Variants in TCEA3 observed in about 807,000 individuals in gnomAD.
TCEA3 encodes transcription elongation factor A protein 3.
A neutral mutation model predicts 44.0 loss-of-function variants in TCEA3; 36 were observed. The ratio of observed to expected loss-of-function variants is 0.82; its 90% CI spans 0.63 to 1.08. The LOEUF (loss-of-function observed/expected upper bound fraction) is 1.08. TCEA3 is among the 50% of genes least tolerant of loss of function. The pLI, the probability that TCEA3 is intolerant of heterozygous loss-of-function variation, is 0.00. For synonymous variants in TCEA3, 162 were observed against 159.7 expected (o/e 1.01, Z -0.11); for missense variants, 392 against 441.2 (o/e 0.89, Z 1.00).
At chr1:23,411,495 T>C (rs1377541781) in intron 4 of TCEA3, 2 of 224,210 alleles carry the variant, frequency 8.9e-6, no homozygotes, top group East Asian at 1.1e-4. Context: ...AAGTAGACTA[T>C]GGTGAATACA....
chr1:23,393,848 C>A, intron 8 of TCEA3, 31 bp downstream of exon 8: 1 of 1,606,802 alleles, frequency 6.2e-7, no homozygotes, highest in African/African-American at 1.3e-5. Flanking sequence ...ACCTGGCTTC[C>A]TGCCTCACCA....
chr1:23,424,305 G>T (rs1490619077), intron 1 of TCEA3, among the ~76,000 whole-genome samples: 1 of 152,016 alleles, frequency 6.6e-6, no homozygotes, highest in Non-Finnish European at 1.5e-5. Context: ...AACCCTACAC[G>T]TCCAAAGGGA....
intron 1 of TCEA3, among the ~76,000 whole-genome samples, chr1:23,422,306 C>T (rs943868394): frequency 2.0e-5 from 3 of 152,170 alleles, no homozygotes; most frequent in South Asian, 2.1e-4. Context: ...GTGTCTCATA[C>T]GCAGTTAGGT....
At position 23,387,258 on chromosome 1, in the gene TCEA3, C is replaced by T. The variant is rs1638873799; in HGVS notation, c.966+15G>A. ...GGCCTCCTGCACCTCCGGCCCGTCC[C>T]CTCACTGTCCTTACCTGGTTATAGG... On this transcript the variant is annotated intron_variant, in intron 9 of 10. Coordinates refer to ENST00000450454, the MANE Select transcript of TCEA3 (RefSeq NM_003196.3). The T allele has an allele frequency of 2.5e-6, 4 of 1,612,748 alleles. No individual in the cohort carries two copies. The South Asian group carries it at 3.3e-5, about 13-fold the overall frequency.
intron 5 of TCEA3, chr1:23,403,941 C>A (rs1639469151): frequency 1.8e-6 from 1 of 568,788 alleles, no homozygotes; most frequent in Non-Finnish European, 3.2e-6. Context: ...TCAATGCACA[C>A]GCCTGGGAAC....
chr1:23,382,406 T>C (rs1638693108), intron 10 of TCEA3, among the ~76,000 whole-genome samples: 1 of 152,158 alleles, frequency 6.6e-6, no homozygotes, highest in Non-Finnish European at 1.5e-5. Flanking sequence ...CAAACTCCCG[T>C]AATACTAGTA....
In TCEA3 at chr1:23,387,373, T is replaced by C. The variant is rs764521111; in HGVS notation, c.866A>G (p.Gln289Arg). 6.2e-7 allele frequency: 1 copy of C among 1,611,990 alleles called. No homozygotes were observed. The highest frequency in any genetic ancestry group is 8.5e-7 in the Non-Finnish European group (1 of 1,179,124). Reference protein sequence around the residue: ...ELRELRNAMTQEAIREHQMAK... With the variant: ...ELRELRNAMTREAIREHQMAK... ...CATCTGGTGCTCACGGATGGCCTCC[T>C]GGGTCATGGCATTCCTCAACTCCCT... The change falls in exon 9 of 11, where the codon CAG becomes CGG. Residue 289 changes from glutamine (Q) to arginine (R), a missense_variant. Transcript: ENST00000450454.
In TCEA3 at chr1:23,387,408, A is replaced by G. The variant is rs751303673; in HGVS notation, c.831T>C (p.Ser277=). The G allele has an allele frequency of 6.2e-7, 1 of 1,604,306 alleles. No individual in the cohort carries two copies. The highest frequency in any genetic ancestry group is 8.5e-7 in the Non-Finnish European group (1 of 1,175,302). ...IAKMTAEEMA[S]DELRELRNAM... Reference sequence around the variant, plus strand: ...CATTCCTCAACTCCCTCAGTTCATCACTGGCCATTTCCTGGAGAAAAAAGA... The same window carrying G: ...CATTCCTCAACTCCCTCAGTTCATCGCTGGCCATTTCCTGGAGAAAAAAGA... Residue 277 remains serine (S), a synonymous_variant, in exon 9 of 11, where the codon AGT becomes AGC. Coordinates refer to ENST00000450454, the MANE Select transcript of TCEA3 (RefSeq NM_003196.3).
At chr1:23,411,481 GA>G in intron 4 of TCEA3, 1 of 218,382 alleles carries the variant, frequency 4.6e-6, no homozygotes, top group Non-Finnish European at 1.0e-5. Flanking sequence ...TTATGCAGAA[GA>G]AAAAGTAGAC....
chr1:23,396,807 A>T (rs558698605), intron 7 of TCEA3, among the ~76,000 whole-genome samples: 1 of 152,150 alleles, frequency 6.6e-6, no homozygotes, highest in East Asian at 1.9e-4. Flanking sequence ...GGAGTTCAAG[A>T]CCAGCCTGAC....
At chr1:23,383,663 C>T in intron 10 of TCEA3, 2 of 985,464 alleles carry the variant, frequency 2.0e-6, no homozygotes, top group African/African-American at 3.5e-5. Flanking sequence ...TGCCTGGTGG[C>T]CCAGACATCA....
chr1:23,381,391 T>C lies in TCEA3; in HGVS notation c.*75A>G. 2.6e-6 allele frequency: 2 copies of C among 772,468 alleles called. No individual in the cohort carries two copies. Among genetic ancestry groups the C allele is most frequent in the South Asian group, 1.4e-5 (1 of 73,008 alleles). The allele number at this position is 772,468 out of a possible 1,614,324, so 47.9% of individuals were successfully genotyped here. ...CAGTATTTTCCTTCACTTTAATTTT[T>C]ATTGCTTCTCCAGTTCAGATAATTC... is the stretch of plus-strand genomic sequence containing the variant. On this transcript the variant is annotated 3_prime_UTR_variant, in exon 11 of 11. Transcript: ENST00000450454.
intron 5 of TCEA3, among the ~76,000 whole-genome samples, chr1:23,402,367 A>G (rs1639424098): frequency 6.6e-6 from 1 of 151,904 alleles, no homozygotes; most frequent in African/African-American, 2.4e-5. Context: ...ACAAAACCAA[A>G]AGCTCACCAC....
intron 10 of TCEA3, among the ~76,000 whole-genome samples, chr1:23,382,205 C>A (rs1638689096): frequency 6.6e-6 from 1 of 152,054 alleles, no homozygotes. Context: ...TGTCACCACG[C>A]CTGGCTAATT....
In TCEA3 at chr1:23,417,360, C is replaced by T. The variant is rs746139659; in HGVS notation, c.269G>A (p.Gly90Glu). The change falls in exon 4 of 11, where the codon GGA becomes GAA. Residue 90 changes from glycine to glutamate, a missense_variant. Transcript: ENST00000450454. ...CTTCTTTGCCTTTTCTCTTTCCTCT[C>T]CTTTTTCTCCTTTTGGGGGTCCAGG... ...DSPGPPKGEK[G>E]EEREKAKKKE... The T allele has an allele frequency of 1.9e-6, 3 of 1,613,866 alleles. No homozygotes were observed. The highest frequency in any genetic ancestry group is 2.7e-5 in the African/African-American group (2 of 74,916).
At chr1:23,406,708 G>A (rs181497210) in intron 5 of TCEA3, among the ~76,000 whole-genome samples, 26 of 152,196 alleles carry the variant, frequency 1.7e-4, no homozygotes, top group East Asian at 3.9e-4. Context: ...GTGCAATGGC[G>A]CAATCTCAGC....
At position 23,403,326 on chromosome 1, in the gene TCEA3, G is replaced by T. The variant is rs186226521; in HGVS notation, c.443+5338C>A. ...TGAGACCAACACTTTGTAGCTATGT[G>T]ACCTTGGGTGAGTTCCTTAACCCCT... On this transcript the variant is annotated intron_variant, in intron 5 of 10. Transcript: ENST00000450454. Among the ~76,000 whole-genome samples the T allele has an allele frequency of 2.0e-5, 3 of 152,326 alleles. No individual in the cohort carries two copies. The East Asian group carries it at 5.8e-4, about 29-fold the overall frequency.
At chr1:23,421,979 T>C (rs16828470) in intron 1 of TCEA3, among the ~76,000 whole-genome samples, 2,040 of 152,256 alleles carry the variant, frequency 0.013, 48 homozygotes, top group African/African-American at 0.046. Context: ...AACAAAGCCT[T>C]GTGCAAATGT....
intron 1 of TCEA3, 53 bp downstream of exon 1, chr1:23,424,512 C>A: frequency 1.3e-6 from 2 of 1,531,380 alleles, no homozygotes; most frequent in Non-Finnish European, 1.8e-6. Flanking sequence ...GAATCCGGGG[C>A]TTGCCCGCGC....
Sources: allele counts gnomAD v4.1 joint callset (sites outside exome capture counted in the v4.1 genomes callset), GRCh38; gene constraint gnomAD v4.1.1; transcripts MANE v1.5; gene names NCBI Gene and HGNC (gene_info 2026-07-23, HGNC 2026-07-21).